Variants in DEPDC1B observed in about 807,000 individuals in gnomAD.
DEPDC1B encodes DEP domain-containing protein 1B.
In DEPDC1B, 51 loss-of-function variants were observed where a neutral mutation model predicts 66.5. The ratio of observed to expected loss-of-function variants is 0.77; its 90% CI spans 0.61 to 0.97. The LOEUF is 0.97. DEPDC1B is among the 50% of genes least tolerant of loss of function. The pLI, the probability that DEPDC1B is intolerant of heterozygous loss-of-function variation, is 0.00. For missense variants in DEPDC1B, 552 were observed against 637.1 expected, an observed-to-expected ratio of 0.87 and a Z score of 1.44; for synonymous variants, 226 against 223.6, an observed-to-expected ratio of 1.01 and a Z score of -0.10.
intron 1 of DEPDC1B, among the ~76,000 whole-genome samples, chr5:60,693,938 C>T (rs1754600634): frequency 6.6e-6 from 1 of 152,062 alleles, no homozygotes; most frequent in Non-Finnish European, 1.5e-5. Flanking sequence ...TTACCTAATG[C>T]ATAATACCTT....
At chr5:60,661,236 T>C (rs559416839) in intron 2 of DEPDC1B, among the ~76,000 whole-genome samples, 195 of 152,266 alleles carry the variant, frequency 1.3e-3, no homozygotes, top group Non-Finnish European at 2.2e-3. Context: ...AAAGGACCAC[T>C]AGAATCCAGA....
chr5:60,614,750 G>T (rs542149348), intron 7 of DEPDC1B, among the ~76,000 whole-genome samples: 1 of 152,276 alleles, frequency 6.6e-6, no homozygotes, highest in East Asian at 1.9e-4. Flanking sequence ...CAGCACTTTG[G>T]GCAGCCAAGG....
chr5:60,630,078 T>C (rs1752889320), intron 7 of DEPDC1B, among the ~76,000 whole-genome samples: 1 of 152,246 alleles, frequency 6.6e-6, no homozygotes, highest in Non-Finnish European at 1.5e-5. Flanking sequence ...TCATTTCTGA[T>C]ATTAAGTTTA....
At chr5:60,628,810 C>T (rs902246318) in intron 7 of DEPDC1B, 5 of 152,084 alleles carry the variant, frequency 3.3e-5, no homozygotes, top group Non-Finnish European at 7.4e-5. Flanking sequence ...ACCTAAACAC[C>T]AGGCAAATAT....
At position 60,638,825 on chromosome 5, in the gene DEPDC1B, T is replaced by C. The variant is rs751654885; in HGVS notation, c.823A>G (p.Ile275Val). 3 of 1,613,214 alleles carry C rather than the reference T, an allele frequency of 1.9e-6. No individual in the cohort carries two copies. The highest frequency in any genetic ancestry group is 2.5e-6 in the Non-Finnish European group (3 of 1,179,632). Residue 275 changes from isoleucine (I) to valine (V), a missense_variant, in exon 7 of 11, where the codon ATA becomes GTA. Transcript: ENST00000265036. ...LGFEKDVFKT[I>V]ADYYGHLKEP... Reference sequence around the variant, plus strand: ...TTCAAGTGACCATAGTAATCAGCTATGGTTTTAAAGACATCTTTTTCAAAT... The same window carrying C: ...TTCAAGTGACCATAGTAATCAGCTACGGTTTTAAAGACATCTTTTTCAAAT...
rs550490887 is a variant in DEPDC1B, at chr5:60,658,021, G to T, written c.315-10488C>A. Among the ~76,000 whole-genome samples the T allele has an allele frequency of 2.6e-5, 4 of 151,990 alleles. No homozygotes were observed. In the East Asian group the frequency reaches 7.7e-4, roughly 29 times the overall value. On this transcript the variant is annotated intron_variant, in intron 2 of 10. Coordinates refer to ENST00000265036, the MANE Select transcript of DEPDC1B (RefSeq NM_018369.3). ...TTTTTTCTTTGTCTTTATTGGATTG[G>T]GTTAATTCAAAAGCCTTGTCTTCAA...
intron 7 of DEPDC1B, among the ~76,000 whole-genome samples, chr5:60,612,501 A>T (rs1752434579): frequency 7.3e-6 from 1 of 136,410 alleles, no homozygotes; most frequent in Non-Finnish European, 1.5e-5. Flanking sequence ...TTTAGTGAAG[A>T]TTTTAAGCCC....
chr5:60,670,908 G>A (rs1754020558), intron 2 of DEPDC1B, among the ~76,000 whole-genome samples: 1 of 152,182 alleles, frequency 6.6e-6, no homozygotes. Context: ...TCTTGGCAGA[G>A]GTCATGGATC....
chr5:60,668,833 T>G (rs1753965073), intron 2 of DEPDC1B, among the ~76,000 whole-genome samples: 1 of 152,208 alleles, frequency 6.6e-6, no homozygotes, highest in South Asian at 2.1e-4. Flanking sequence ...ATACATTCTT[T>G]TATGAAGGAT....
intron 7 of DEPDC1B, among the ~76,000 whole-genome samples, chr5:60,620,474 G>A (rs2111781906): frequency 6.6e-6 from 1 of 152,236 alleles, no homozygotes; most frequent in Middle Eastern, 3.4e-3. Context: ...CAACAAGTAG[G>A]CGAAGGATAT....
At chr5:60,599,664 C>T (rs751653591) in intron 9 of DEPDC1B, among the ~76,000 whole-genome samples, 30 of 152,210 alleles carry the variant, frequency 2.0e-4, no homozygotes, top group Admixed American at 1.3e-4. Context: ...CCACCCAGGG[C>T]GGAAAACCGC....
intron 2 of DEPDC1B, among the ~76,000 whole-genome samples, chr5:60,666,447 ACCC>A (rs574305577): frequency 6.7e-6 from 1 of 149,350 alleles, no homozygotes; most frequent in Non-Finnish European, 1.5e-5. Context: ...AAGAACAAAG[ACCC>A]CCCCCATAAC....
chr5:60,603,007 T>C (rs1752232917), intron 9 of DEPDC1B, among the ~76,000 whole-genome samples: 1 of 152,198 alleles, frequency 6.6e-6, no homozygotes, highest in Admixed American at 6.5e-5. Flanking sequence ...GCGAAGTTAT[T>C]TAAGTTCTTT....
intron 2 of DEPDC1B, among the ~76,000 whole-genome samples, chr5:60,651,529 T>TA (rs35534827): frequency 0.076 from 9,981 of 132,034 alleles, 599 homozygotes; most frequent in East Asian, 0.2. Context: ...AGACTCCACC[T>TA]AAAAAAAAAA....
intron 7 of DEPDC1B, among the ~76,000 whole-genome samples, chr5:60,625,270 A>G (rs892831859): frequency 2.0e-5 from 3 of 152,138 alleles, no homozygotes; most frequent in African/African-American, 7.2e-5. Flanking sequence ...CAGTAACGGG[A>G]TGGCTGGGTC....
chr5:60,612,745 C>T (rs1210369736), intron 7 of DEPDC1B, among the ~76,000 whole-genome samples: 1 of 149,174 alleles, frequency 6.7e-6, no homozygotes, highest in Non-Finnish European at 1.5e-5. Flanking sequence ...TGTGCTATAG[C>T]CGTTCTTGTA....
At position 60,603,540 on chromosome 5, in the gene DEPDC1B, A is replaced by C. The variant is rs1195010635; in HGVS notation, c.1093T>G (p.Leu365Val). ...LMVQTFSRCI[L>V]CSKDEVDLDE... ...AAGTCCACTTCATCCTTGGAACACA[A>C]GATGCAACGGGAAAATGTCTGAACC... Residue 365 changes from leucine (L) to valine (V), a missense_variant, in exon 9 of 11, where the codon TTG becomes GTG. Physicochemically the swap from Leu to Val is conservative, Grantham distance 32. Transcript: ENST00000265036. 2 of 1,606,104 alleles carry C rather than the reference A, an allele frequency of 1.2e-6. No individual in the cohort carries two copies. The highest frequency in any genetic ancestry group is 2.2e-5 in the South Asian group (2 of 89,178).
chr5:60,627,834 A>C (rs1752837636), intron 7 of DEPDC1B, among the ~76,000 whole-genome samples: 1 of 152,172 alleles, frequency 6.6e-6, no homozygotes, highest in Non-Finnish European at 1.5e-5. Context: ...GGAAAGTATT[A>C]CCCAATACTT....
Position 60,667,409 on chromosome 5 carries a change from A to G in DEPDC1B, c.314+19553T>C, listed in dbSNP as rs1017008736. Among the ~76,000 whole-genome samples, 2 of 138,386 alleles carry G rather than the reference A, an allele frequency of 1.4e-5. 1 individual carries two copies. Among genetic ancestry groups the G allele is most frequent in the Admixed American group, 1.5e-4 (2 of 13,134 alleles). 90.8% of individuals were successfully genotyped at this position (138,386 alleles called of 152,430 possible). ...CAAAAAATGGATATTTTACATATAT[A>G]CAAAAAATGGATATTTTACATATAT... On this transcript the variant is annotated intron_variant, in intron 2 of 10. Transcript: ENST00000265036.
Sources: allele counts gnomAD v4.1 joint callset (sites outside exome capture counted in the v4.1 genomes callset), GRCh38; gene constraint gnomAD v4.1.1; transcripts MANE v1.5; gene names NCBI Gene and HGNC (gene_info 2026-07-23, HGNC 2026-07-21).